GABBR2: variants seen among roughly 807,000 people sequenced by gnomAD.
The protein encoded by GABBR2 is gamma-aminobutyric acid type B receptor subunit 2, also known as G-protein coupled receptor 51.
GABBR2 carries 23 observed loss-of-function variants against 105.6 expected under a neutral mutation model. The ratio of observed to expected loss-of-function variants is 0.22; its 90% CI spans 0.16 to 0.31. The LOEUF (loss-of-function observed/expected upper bound fraction) is 0.31, where lower values mean the gene tolerates loss of function less well. Ranked by LOEUF, GABBR2 falls within the 10% of genes least tolerant of loss-of-function variation. The pLI, the probability that GABBR2 is intolerant of heterozygous loss-of-function variation, is 1.00. For missense variants in GABBR2, 734 were observed against 1,245.5 expected (o/e 0.59, Z 6.18); for synonymous variants, 478 against 499.7 (o/e 0.96, Z 0.58).
chr9:98,333,413 G>T (rs995797341), intron 13 of GABBR2, among the ~76,000 whole-genome samples: 2 of 152,168 alleles, frequency 1.3e-5, no homozygotes, highest in Non-Finnish European at 2.9e-5. Flanking sequence ...CCAAAGTCAA[G>T]ATGTCCGTTG....
intron 1 of GABBR2, among the ~76,000 whole-genome samples, chr9:98,643,611 A>T (rs1349384340): frequency 1.3e-5 from 2 of 152,164 alleles, no homozygotes; most frequent in African/African-American, 4.8e-5. Flanking sequence ...AATTAGCTCA[A>T]TATTCATACC....
At chr9:98,644,684 A>C (rs1830008591) in intron 1 of GABBR2, among the ~76,000 whole-genome samples, 2 of 152,184 alleles carry the variant, frequency 1.3e-5, no homozygotes, top group South Asian at 4.1e-4. Flanking sequence ...TCTACTAAAA[A>C]CACAAAAATT....
intron 13 of GABBR2, among the ~76,000 whole-genome samples, chr9:98,320,494 C>G (rs948241051): frequency 2.0e-5 from 3 of 152,042 alleles, no homozygotes; most frequent in African/African-American, 7.2e-5. Flanking sequence ...ACCCAAAGGA[C>G]TATAAATCAT....
chr9:98,648,113 G>A (rs201755828), intron 1 of GABBR2, among the ~76,000 whole-genome samples: 7,574 of 51,168 alleles, frequency 0.15, 229 homozygotes, highest in Non-Finnish European at 0.18. Context: ...GTGTGTGTGT[G>A]TGTATAGATA....
chr9:98,603,906 C>T (rs950750755), intron 1 of GABBR2, among the ~76,000 whole-genome samples: 3 of 152,324 alleles, frequency 2.0e-5, no homozygotes, highest in South Asian at 2.1e-4. Context: ...AACCTTCCTA[C>T]CAACATGGAC....
At chr9:98,498,988 C>A (rs1329988385) in intron 3 of GABBR2, among the ~76,000 whole-genome samples, 2 of 152,210 alleles carry the variant, frequency 1.3e-5, no homozygotes, top group African/African-American at 2.4e-5. Flanking sequence ...TGCATGGCAC[C>A]CACATTCCAA....
chr9:98,633,596 C>CA (rs1829840999), intron 1 of GABBR2, among the ~76,000 whole-genome samples: 2 of 147,098 alleles, frequency 1.4e-5, no homozygotes, highest in Non-Finnish European at 3.0e-5. Context: ...TGCACTCCAG[C>CA]CTGGGCAACA....
chr9:98,435,239 T>C (rs1222454894), intron 7 of GABBR2, among the ~76,000 whole-genome samples: 2 of 152,240 alleles, frequency 1.3e-5, no homozygotes, highest in Non-Finnish European at 1.5e-5. Flanking sequence ...ATTATCCAGA[T>C]GCTTAAAGTA....
chr9:98,533,059 A>G (rs1344537893), intron 3 of GABBR2, among the ~76,000 whole-genome samples: 1 of 152,196 alleles, frequency 6.6e-6, no homozygotes, highest in Non-Finnish European at 1.5e-5. Context: ...AAAGACTTCA[A>G]GTTAAGAAAT....
chr9:98,380,956 G>A (rs575566383), intron 11 of GABBR2, among the ~76,000 whole-genome samples: 9 of 152,362 alleles, frequency 5.9e-5, no homozygotes, highest in Admixed American at 2.6e-4. Flanking sequence ...GTATATGGCA[G>A]CAGAGCAGAC....
In GABBR2 at chr9:98,423,074, G is replaced by A. The variant is rs1832812375; in HGVS notation, c.1237-16933C>T. On this transcript the variant is annotated intron_variant, in intron 7 of 18. Transcript: ENST00000259455. ...GTGAATAGTGCCACAATAAACACAC[G>A]TGTGCATGTGTCTTTATAGCAGCAT... is the stretch of plus-strand genomic sequence containing the variant. 2.0e-5 allele frequency among the ~76,000 whole-genome samples: 3 copies of A among 152,228 alleles called. 1 individual carries two copies. The South Asian group carries it at 6.2e-4, about 32-fold the overall frequency.
chr9:98,464,675 A>G (rs1171012892), intron 6 of GABBR2, among the ~76,000 whole-genome samples: 3 of 151,964 alleles, frequency 2.0e-5, no homozygotes, highest in Non-Finnish European at 4.4e-5. Context: ...TGTCGAAAAG[A>G]AAAGGGGGAA....
chr9:98,383,175 G>A lies in GABBR2; in HGVS notation c.1662+2465C>T, dbSNP rs962930618. ...AGGCTGGTCTTGAACTCCTGACCTCGGGTGATCTGCCTGCCTCAGCCTCTC... is the reference window on the plus strand; with the variant it reads ...AGGCTGGTCTTGAACTCCTGACCTCAGGTGATCTGCCTGCCTCAGCCTCTC... On this transcript the variant is annotated intron_variant, in intron 11 of 18. Transcript: ENST00000259455. Among the ~76,000 whole-genome samples the A allele has an allele frequency of 5.3e-5, 8 of 151,924 alleles. No individual in the cohort carries two copies. The South Asian group carries it at 6.2e-4, about 12-fold the overall frequency.
In GABBR2 at chr9:98,310,196, C is replaced by G. The variant is rs552074697; in HGVS notation, c.2004+899G>C. On this transcript the variant is annotated intron_variant, in intron 14 of 18. Coordinates refer to ENST00000259455, the MANE Select transcript of GABBR2 (RefSeq NM_005458.8). ...TGGGCTGAAATATGGTGGAGCTGAC[C>G]TTTCAAGTTCTTCCTAATGTTGGAA... Among the ~76,000 whole-genome samples the G allele has an allele frequency of 5.9e-5, 9 of 152,168 alleles. No individual in the cohort carries two copies. The South Asian group carries it at 1.0e-3, about 18-fold the overall frequency.
chr9:98,618,294 T>C (rs529003837), intron 1 of GABBR2, among the ~76,000 whole-genome samples: 115 of 152,304 alleles, frequency 7.6e-4, no homozygotes, highest in Non-Finnish European at 1.4e-3. Flanking sequence ...CTTGTGCCCT[T>C]TTTGTAATCT....
intron 1 of GABBR2, among the ~76,000 whole-genome samples, chr9:98,673,423 C>T (rs1453746040): frequency 6.6e-6 from 1 of 151,906 alleles, no homozygotes; most frequent in African/African-American, 2.4e-5. Context: ...CTTGAGTCAT[C>T]AATAAAAGAC....
chr9:98,440,977 G>C (rs1264626878), intron 7 of GABBR2, among the ~76,000 whole-genome samples: 1 of 152,194 alleles, frequency 6.6e-6, no homozygotes, highest in Non-Finnish European at 1.5e-5. Context: ...GTAATCTTCA[G>C]ATTCGTTTTT....
intron 1 of GABBR2, among the ~76,000 whole-genome samples, chr9:98,703,786 A>G (rs893281780): frequency 2.0e-5 from 3 of 149,208 alleles, no homozygotes; most frequent in African/African-American, 7.4e-5. Flanking sequence ...GAGCCACCAC[A>G]CTCAGTCTAT....
At chr9:98,485,689 G>T (rs772170064) in intron 4 of GABBR2, among the ~76,000 whole-genome samples, 1 of 152,222 alleles carries the variant, frequency 6.6e-6, no homozygotes, top group Non-Finnish European at 1.5e-5. Flanking sequence ...CACCCTGGGA[G>T]GTGGGCGCTG....
Sources: allele counts gnomAD v4.1 joint callset (sites outside exome capture counted in the v4.1 genomes callset), GRCh38; gene constraint gnomAD v4.1.1; transcripts MANE v1.5; gene names NCBI Gene and HGNC (gene_info 2026-07-23, HGNC 2026-07-21).